Variants in CCDC66 observed in about 807,000 individuals in gnomAD.
CCDC66 encodes the protein coiled-coil domain containing 66.
Under a neutral mutation model 128.3 loss-of-function variants are expected in CCDC66, and 133 were observed. The observed-to-expected ratio is 1.04, with a 90% confidence interval of 0.90 to 1.20. The LOEUF is 1.20. Ranked by LOEUF, CCDC66 falls within the 50% of genes most tolerant of loss-of-function variation. The pLI, the probability that CCDC66 is intolerant of heterozygous loss-of-function variation, is 0.00. For missense variants in CCDC66, 1,126 were observed against 1,075.5 expected (o/e 1.05, Z -0.66); for synonymous variants, 387 against 357.0 (o/e 1.08, Z -0.95).
At chr3:56,612,391 G>A (rs149180797) in intron 10 of CCDC66, among the ~76,000 whole-genome samples, 37 of 152,278 alleles carry the variant, frequency 2.4e-4, no homozygotes, top group Admixed American at 5.9e-4. Context: ...TGGACCAGTC[G>A]TTAGGTTGCA....
chr3:56,565,649 C>T (rs974910518), intron 4 of CCDC66, among the ~76,000 whole-genome samples: 1 of 150,512 alleles, frequency 6.6e-6, no homozygotes, highest in Non-Finnish European at 1.5e-5. Context: ...TGGAGTCTCG[C>T]TCCGTTGCCC....
chr3:56,586,884 C>T (rs1034739470), intron 7 of CCDC66, among the ~76,000 whole-genome samples: 2 of 151,692 alleles, frequency 1.3e-5, no homozygotes, highest in African/African-American at 4.8e-5. Context: ...ACCCTGCCTC[C>T]ACAACACAAA....
intron 10 of CCDC66, among the ~76,000 whole-genome samples, chr3:56,596,921 AT>A (rs34101943): frequency 0.01 from 1,384 of 132,274 alleles, 32 homozygotes; most frequent in African/African-American, 0.034. Flanking sequence ...CACCTGGCTA[AT>A]TTTTTTTTTT....
In CCDC66 at chr3:56,593,558, A is replaced by G. The variant is rs746203150; in HGVS notation, c.1136A>G (p.Gln379Arg). ...AAGAGTTATCCTGGTTCTCAATCTC[A>G]GCTGTTCTCTCAGTCAACACACAAA... ...SLKSYPGSQS[Q>R]LFSQSTHKQP... The change falls in exon 9 of 18, where the codon CAG becomes CGG. Residue 379 changes from glutamine (Q) to arginine (R), a missense_variant. Gln to Arg is a conservative substitution (Grantham distance 43). Coordinates refer to ENST00000394672, the MANE Select transcript of CCDC66 (RefSeq NM_001141947.3). 3.7e-6 allele frequency: 6 copies of G among 1,613,738 alleles called. No individual in the cohort carries two copies. The highest frequency in any genetic ancestry group is 1.3e-5 in the African/African-American group (1 of 74,902).
At chr3:56,602,833 CAT>C (rs1491542377) in intron 10 of CCDC66, among the ~76,000 whole-genome samples, 1 of 96,888 alleles carries the variant, frequency 1.0e-5, no homozygotes, top group Non-Finnish European at 1.9e-5. Context: ...TCCCCTTTAT[CAT>C]TTTTTTTTTT....
In CCDC66 at chr3:56,606,284, C is replaced by G. The variant is rs528953848; in HGVS notation, c.1405-7305C>G. The stretch of plus-strand genomic sequence containing the variant: ...TCCGCCCCCTTTCCAGGAGAGTGAA[C>G]AGTTCTGTCTCACTGGCATTCCAGG... On this transcript the variant is annotated intron_variant, in intron 10 of 17. Transcript: ENST00000394672. Among the ~76,000 whole-genome samples the G allele has an allele frequency of 4.5e-4, 68 of 152,154 alleles. 2 individuals are homozygous for G. The highest frequency in any genetic ancestry group is 1.6e-3 in the African/African-American group (67 of 41,434).
intron 7 of CCDC66, among the ~76,000 whole-genome samples, chr3:56,590,993 A>G (rs2070786792): frequency 6.6e-6 from 1 of 152,208 alleles, no homozygotes; most frequent in Admixed American, 6.5e-5. Flanking sequence ...ACTCACCTTC[A>G]ACTAAATGCA....
At chr3:56,560,901 T>A (rs1190602020) in intron 3 of CCDC66, 1 of 456,700 alleles carries the variant, frequency 2.2e-6, no homozygotes, top group Non-Finnish European at 4.4e-6. Context: ...AGAACCCAGT[T>A]TGGATGATGT....
intron 7 of CCDC66, among the ~76,000 whole-genome samples, chr3:56,579,328 A>G (rs1175376912): frequency 6.6e-6 from 1 of 151,690 alleles, no homozygotes; most frequent in Non-Finnish European, 1.5e-5. Context: ...CTAGTGGTCT[A>G]TCAATTTTGT....
rs566324479 is a variant in CCDC66 at position 56,559,784 on chromosome 3, T to C, written c.102+190T>C. Among the ~76,000 whole-genome samples, 6 of 152,328 alleles carry C rather than the reference T, an allele frequency of 3.9e-5. No individual in the cohort carries two copies. The East Asian group carries it at 1.2e-3, about 29-fold the overall frequency. On this transcript the variant is annotated intron_variant, in intron 3 of 17. Coordinates refer to ENST00000394672, the MANE Select transcript of CCDC66 (RefSeq NM_001141947.3). ...TTGAATCATTTTAGGTTTAGCCCAA[T>C]AGAACCTCTTTCTCTAGATAAGTGC...
intron 10 of CCDC66, among the ~76,000 whole-genome samples, chr3:56,599,182 T>C (rs1449967292): frequency 6.6e-6 from 1 of 152,064 alleles, no homozygotes; most frequent in Non-Finnish European, 1.5e-5. Context: ...CCATTTCTTC[T>C]AGATTTTCTA....
At chr3:56,620,932 C>G (rs1302873729) in intron 17 of CCDC66, 1 of 152,324 alleles carries the variant, frequency 6.6e-6, no homozygotes, top group Non-Finnish European at 1.5e-5. Context: ...GCAGGCAGAT[C>G]ATGAGGTCAG....
At chr3:56,605,044 C>T (rs1015847602) in intron 10 of CCDC66, among the ~76,000 whole-genome samples, 3 of 151,980 alleles carry the variant, frequency 2.0e-5, no homozygotes, top group Non-Finnish European at 4.4e-5. Flanking sequence ...GATACCCTTT[C>T]TTACGCTTAA....
At chr3:56,592,020 C>G (rs895216659) in intron 7 of CCDC66, among the ~76,000 whole-genome samples, 2 of 152,150 alleles carry the variant, frequency 1.3e-5, no homozygotes, top group African/African-American at 4.8e-5. Flanking sequence ...GTATCCTAAA[C>G]TCATCAATTA....
rs565957579 is a variant in CCDC66, at chr3:56,588,987, A to G, written c.937-3983A>G. On this transcript the variant is annotated intron_variant, in intron 7 of 17. Coordinates refer to ENST00000394672, the MANE Select transcript of CCDC66 (RefSeq NM_001141947.3). ...AGAAAGAACAGCAAAATTGAAGCCC[A>G]AGGTAGGTCAAAGTGGATATTAGTA... 5.9e-5 allele frequency among the ~76,000 whole-genome samples: 9 copies of G among 152,356 alleles called. No individual in the cohort carries two copies. The East Asian group carries it at 1.7e-3, about 29-fold the overall frequency.
chr3:56,586,255 G>A (rs768372079), intron 7 of CCDC66, among the ~76,000 whole-genome samples: 2 of 151,936 alleles, frequency 1.3e-5, no homozygotes, highest in Non-Finnish European at 1.5e-5. Flanking sequence ...CCGGCCAGGC[G>A]TGGTGGCTCA....
At chr3:56,590,934 G>A (rs1358938807) in intron 7 of CCDC66, among the ~76,000 whole-genome samples, 1 of 152,080 alleles carries the variant, frequency 6.6e-6, no homozygotes, top group African/African-American at 2.4e-5. Context: ...CTAGAAGAAG[G>A]TCAAAACAAT....
chr3:56,621,462 C>G, intron 17 of CCDC66, 70 bp from the exon 18 acceptor site: 1 of 1,025,412 alleles, frequency 9.8e-7, no homozygotes, highest in Non-Finnish European at 1.4e-6. Context: ...GAATATAATT[C>G]TAGTTTAACA....
At chr3:56,612,403 G>A (rs544778543) in intron 10 of CCDC66, among the ~76,000 whole-genome samples, 2 of 152,308 alleles carry the variant, frequency 1.3e-5, no homozygotes, top group African/African-American at 4.8e-5. Context: ...TAGGTTGCAG[G>A]ATGCTAGCAG....
Sources: allele counts gnomAD v4.1 joint callset (sites outside exome capture counted in the v4.1 genomes callset), GRCh38; gene constraint gnomAD v4.1.1; transcripts MANE v1.5; gene names NCBI Gene and HGNC (gene_info 2026-07-23, HGNC 2026-07-21).